The following AP1G1 variants were observed in gnomAD, a reference collection of about 807,000 sequenced individuals.
AP1G1 encodes the protein AP-1 complex subunit gamma-1.
In AP1G1, 7 loss-of-function variants were observed where a neutral mutation model predicts 108.3. The observed-to-expected ratio is 0.06, with a 90% CI of 0.04 to 0.12. The LOEUF is 0.12. Among genes scored for constraint, AP1G1 ranks in the 10% least tolerant of loss-of-function variants. The probability of loss-of-function intolerance (pLI) is 1.00; values close to 1 mark genes in which losing one functional copy is unlikely to be tolerated. For synonymous variants in AP1G1, 379 were observed against 353.5 expected, an observed-to-expected ratio of 1.07 and a Z score of -0.81; for missense variants, 756 against 1,010.7, an observed-to-expected ratio of 0.75 and a Z score of 3.42.
intron 1 of AP1G1, among the ~76,000 whole-genome samples, chr16:71,805,022 C>A (rs1256597463): frequency 1.3e-5 from 2 of 150,096 alleles, no homozygotes; most frequent in African/African-American, 4.9e-5. Context: ...ATCAATCAAT[C>A]AATAAAAATA....
intron 2 of AP1G1, among the ~76,000 whole-genome samples, chr16:71,775,475 G>T (rs2031748928): frequency 6.6e-6 from 1 of 152,092 alleles, no homozygotes; most frequent in African/African-American, 2.4e-5. Context: ...TAGTTTTGCA[G>T]ATTCACACAA....
At chr16:71,777,148 G>T (rs1245904230) in intron 2 of AP1G1, among the ~76,000 whole-genome samples, 2 of 150,114 alleles carry the variant, frequency 1.3e-5, no homozygotes, top group African/African-American at 4.9e-5. Context: ...TACCAAAAAG[G>T]GAGGGGAGGG....
intron 2 of AP1G1, among the ~76,000 whole-genome samples, chr16:71,777,151 G>T (rs2145496847): frequency 6.6e-6 from 1 of 151,128 alleles, no homozygotes. Flanking sequence ...CAAAAAGGGA[G>T]GGGAGGGAGG....
At position 71,750,343 on chromosome 16, in the gene AP1G1, A is replaced by T. The variant is rs886782573; in HGVS notation, c.1285-11T>A. The T allele has an allele frequency of 6.2e-7, 1 of 1,613,496 alleles. No individual in the cohort carries two copies. The highest frequency in any genetic ancestry group is 8.5e-7 in the Non-Finnish European group (1 of 1,179,890). On this transcript the variant is annotated splice_polypyrimidine_tract_variant and intron_variant, in intron 13 of 22. Coordinates refer to ENST00000299980, the MANE Select transcript of AP1G1 (RefSeq NM_001128.6). ...AACATAACTTCCTGCCTAAAAGGAA[A>T]TGCAGACAATTACCCCTAGAAACAC...
At chr16:71,748,598 G>C (rs2030312821) in intron 15 of AP1G1, among the ~76,000 whole-genome samples, 1 of 152,110 alleles carries the variant, frequency 6.6e-6, no homozygotes, top group Non-Finnish European at 1.5e-5. Flanking sequence ...ACCAGAGCAG[G>C]TGGGGGTAAA....
At position 71,750,134 on chromosome 16, in the gene AP1G1, G is replaced by A. The variant is rs887084780; in HGVS notation, c.1407+76C>T. The A allele has an allele frequency of 7.2e-6, 11 of 1,536,832 alleles. No homozygotes were observed. In the East Asian group the frequency reaches 2.0e-4, roughly 28 times the overall value. On this transcript the variant is annotated intron_variant, in intron 14 of 22. Transcript: ENST00000299980. ...ATACCAAAGGGGAGAGAGGAGGGGG[G>A]AAAAAAAAGAAGAAAAACATACCAG...
intron 2 of AP1G1, among the ~76,000 whole-genome samples, chr16:71,785,372 T>A (rs1025493254): frequency 5.3e-5 from 8 of 150,014 alleles, no homozygotes; most frequent in African/African-American, 2.0e-4. Context: ...GGTCAGGAGT[T>A]CAAGACTAGT....
intron 2 of AP1G1, among the ~76,000 whole-genome samples, chr16:71,779,992 TTTG>T (rs1305818943): frequency 1.4e-5 from 2 of 147,890 alleles, no homozygotes; most frequent in Admixed American, 6.8e-5. Context: ...TCAGTTTTTT[TTTG>T]TTTTTTTTTT....
At chr16:71,801,694 G>A (rs757056809) in intron 1 of AP1G1, among the ~76,000 whole-genome samples, 4 of 152,104 alleles carry the variant, frequency 2.6e-5, no homozygotes, top group Admixed American at 6.6e-5. Context: ...AGGCTGAGGC[G>A]GGCAGATCAC....
At chr16:71,785,575 CAAAAAAAAAAAA>C (rs71389702) in intron 2 of AP1G1, among the ~76,000 whole-genome samples, 3 of 73,130 alleles carry the variant, frequency 4.1e-5, no homozygotes, top group Non-Finnish European at 7.7e-5. Flanking sequence ...AACCCTGCCT[CAAAAAAAAAAAA>C]AAAAAAAAAA....
At chr16:71,786,531 G>A (rs940289040) in intron 2 of AP1G1, among the ~76,000 whole-genome samples, 1 of 152,096 alleles carries the variant, frequency 6.6e-6, no homozygotes, top group Non-Finnish European at 1.5e-5. Flanking sequence ...CACGATCTCA[G>A]CTCACTGCAA....
At chr16:71,765,705 T>C in intron 6 of AP1G1, 121 bp from the exon 7 acceptor site, 1 of 712,224 alleles carries the variant, frequency 1.4e-6, no homozygotes, top group Non-Finnish European at 2.6e-6. Context: ...TCTACTGATT[T>C]AATATACTAG....
Position 71,758,805 on chromosome 16 carries a change from T to A in AP1G1, c.1088+3A>T. On this transcript the variant is annotated splice_donor_region_variant and intron_variant, in intron 11 of 22. Coordinates refer to ENST00000299980, the MANE Select transcript of AP1G1 (RefSeq NM_001128.6). ...AGACTGAGAAAGGCTCTCAGTTTGT[T>A]ACCGTTTTATTGAGACATCCAAATC... The A allele has an allele frequency of 6.4e-7, 1 of 1,565,560 alleles. No individual in the cohort carries two copies. Among genetic ancestry groups the A allele is most frequent in the Non-Finnish European group, 8.7e-7 (1 of 1,147,866 alleles).
intron 9 of AP1G1, among the ~76,000 whole-genome samples, chr16:71,763,507 T>C (rs919910241): frequency 1.3e-5 from 2 of 152,336 alleles, no homozygotes; most frequent in East Asian, 1.9e-4. Flanking sequence ...TGGTTAATTT[T>C]ATGTTATATA....
At chr16:71,735,309 C>A (rs962251342) in intron 21 of AP1G1, among the ~76,000 whole-genome samples, 13 of 152,140 alleles carry the variant, frequency 8.5e-5, no homozygotes, top group Non-Finnish European at 1.8e-4. Context: ...CCTAGATAAG[C>A]CAAACAGTAT....
chr16:71,782,759 T>G (rs1425668472), intron 2 of AP1G1, among the ~76,000 whole-genome samples: 1 of 151,080 alleles, frequency 6.6e-6, no homozygotes, highest in Non-Finnish European at 1.5e-5. Flanking sequence ...GTGCTGGGAT[T>G]ACAGGTGTGA....
chr16:71,761,551 A>G lies in AP1G1; in HGVS notation c.935T>C (p.Ile312Thr). Residue 312 changes from isoleucine (I) to threonine (T), a missense_variant, in exon 10 of 23, where the codon ATC becomes ACC. Transcript: ENST00000299980. The part of the protein sequence containing the change: ...ESGLRVLAIN[I>T]LGRFLLNNDK... The stretch of plus-strand genomic sequence containing the variant: ...ATTGTTCAATAAGAAACGACCCAGG[A>G]TATTTATGGCTAGGACCTAAAGAGA... 1 of 1,607,752 alleles carries G rather than the reference A, an allele frequency of 6.2e-7. No homozygotes were observed. Among genetic ancestry groups the G allele is most frequent in the Non-Finnish European group, 8.5e-7 (1 of 1,174,830 alleles).
chr16:71,775,599 TA>T (rs995557588), intron 2 of AP1G1, among the ~76,000 whole-genome samples: 1 of 151,874 alleles, frequency 6.6e-6, no homozygotes, highest in Non-Finnish European at 1.5e-5. Context: ...TTTTGGGAAT[TA>T]AAAAAAACTC....
At chr16:71,794,072 ATTAACAT>A (rs897760529) in intron 1 of AP1G1, among the ~76,000 whole-genome samples, 5 of 152,202 alleles carry the variant, frequency 3.3e-5, no homozygotes, top group Non-Finnish European at 5.9e-5. Flanking sequence ...TTAAAATAAG[ATTAACAT>A]TTAACATTCA....
Sources: allele counts gnomAD v4.1 joint callset (sites outside exome capture counted in the v4.1 genomes callset), GRCh38; gene constraint gnomAD v4.1.1; transcripts MANE v1.5; gene names NCBI Gene and HGNC (gene_info 2026-07-23, HGNC 2026-07-21).